Variants in UTS2 observed in about 807,000 individuals in gnomAD.
UTS2 encodes urotensin 2, also known as urotensin-2.
UTS2 carries 10 observed loss-of-function variants against 12.6 expected under a neutral mutation model. That is an observed-to-expected ratio of 0.80 (90% CI 0.49 to 1.35). The LOEUF (loss-of-function observed/expected upper bound fraction) is 1.35, where lower values mean the gene tolerates loss of function less well. Ranked by LOEUF, UTS2 falls within the 40% of genes most tolerant of loss-of-function variation. The probability of loss-of-function intolerance (pLI) is 0.00; values close to 1 mark genes in which losing one functional copy is unlikely to be tolerated. For missense variants in UTS2, 142 were observed against 143.2 expected, an observed-to-expected ratio of 0.99 and a Z score of 0.04; for synonymous variants, 52 against 50.0, an observed-to-expected ratio of 1.04 and a Z score of -0.17.
At chr1:7,911,139 G>A in the UTS2 span, among the ~76,000 whole-genome samples, 3 of 152,102 alleles carry the variant, frequency 2.0e-5, no homozygotes. Context: ...CCGCAAAGGT[G>A]CACAGCGGGT....
chr1:7,859,332 C>A, the UTS2 span, among the ~76,000 whole-genome samples: 1 of 152,034 alleles, frequency 6.6e-6, no homozygotes, highest in African/African-American at 2.4e-5. Flanking sequence ...TTCAGATAAC[C>A]ATTTGGCTTA....
the UTS2 span, among the ~76,000 whole-genome samples, chr1:7,864,723 AAG>A: frequency 1.3e-5 from 2 of 152,228 alleles, no homozygotes; most frequent in Non-Finnish European, 2.9e-5. Context: ...AGGGGTAGGT[AAG>A]TATCAGTACC....
chr1:7,855,511 G>T (rs1274158045), upstream of UTS2, among the ~76,000 whole-genome samples: 1 of 152,102 alleles, frequency 6.6e-6, no homozygotes, highest in Admixed American at 6.5e-5. Flanking sequence ...TTCAACCTGG[G>T]AGTCGGAGGT....
chr1:7,877,690 T>C, the UTS2 span, among the ~76,000 whole-genome samples: 1 of 152,078 alleles, frequency 6.6e-6, no homozygotes, highest in Non-Finnish European at 1.5e-5. Context: ...CTGAGCAACA[T>C]GGTGAAACCC....
chr1:7,878,098 C>CT, the UTS2 span, among the ~76,000 whole-genome samples: 1 of 152,206 alleles, frequency 6.6e-6, no homozygotes, highest in African/African-American at 2.4e-5. Flanking sequence ...CTCAGCAGGC[C>CT]TTACAGGCCA....
chr1:7,853,576 G>T (rs1638221180), upstream of UTS2: 2 of 1,173,550 alleles, frequency 1.7e-6, no homozygotes, highest in Non-Finnish European at 2.4e-6. Context: ...AGCAAACATT[G>T]CTCCAGGCTC....
At chr1:7,862,719 C>T in the UTS2 span, among the ~76,000 whole-genome samples, 1 of 152,058 alleles carries the variant, frequency 6.6e-6, no homozygotes, top group Non-Finnish European at 1.5e-5. Flanking sequence ...CTGAATGCCC[C>T]GCACCCCAGG....
the UTS2 span, among the ~76,000 whole-genome samples, chr1:7,891,523 C>T: frequency 7.1e-4 from 60 of 84,052 alleles, no homozygotes; most frequent in African/African-American, 2.8e-3. Context: ...CAGACTCGAT[C>T]TAAGAAAGAA....
chr1:7,887,240 G>A, the UTS2 span, among the ~76,000 whole-genome samples: 4 of 151,760 alleles, frequency 2.6e-5, no homozygotes, highest in African/African-American at 7.3e-5. Flanking sequence ...CATTAGGGTT[G>A]GAGCGGCTTT....
the UTS2 span, among the ~76,000 whole-genome samples, chr1:7,883,414 G>A: frequency 6.6e-6 from 1 of 152,084 alleles, no homozygotes; most frequent in African/African-American, 2.4e-5. Context: ...GTTGGTTAAT[G>A]GGTACAAACA....
the UTS2 span, among the ~76,000 whole-genome samples, chr1:7,893,709 G>T: frequency 6.6e-6 from 1 of 152,128 alleles, no homozygotes; most frequent in African/African-American, 2.4e-5. Flanking sequence ...CTCCTGGAGG[G>T]CACAGTCGCA....
chr1:7,874,086 G>A, the UTS2 span, among the ~76,000 whole-genome samples: 2 of 152,120 alleles, frequency 1.3e-5, no homozygotes, highest in Non-Finnish European at 2.9e-5. Flanking sequence ...GAAAGGACAA[G>A]GAACTTCGGA....
chr1:7,871,671 T>A, the UTS2 span, among the ~76,000 whole-genome samples: 3 of 152,198 alleles, frequency 2.0e-5, no homozygotes, highest in Admixed American at 2.0e-4. Context: ...TGAGTCTCTG[T>A]GCCACATTTT....
chr1:7,869,404 G>A, the UTS2 span, among the ~76,000 whole-genome samples: 11,992 of 152,268 alleles, frequency 0.079, 672 homozygotes, highest in African/African-American at 0.15. Context: ...ATGGCTCTGC[G>A]CATGCCTCCC....
Position 7,849,681 on chromosome 1 carries a change from A to G in UTS2, c.217T>C (p.Ser73Pro). 3 of 1,609,366 alleles carry G rather than the reference A, an allele frequency of 1.9e-6. No homozygotes were observed. The South Asian group carries it at 3.3e-5, about 18-fold the overall frequency. Residue 73 changes from serine to proline, a missense_variant and splice_region_variant, in exon 3 of 4, where the codon TCA (serine) becomes CCA (proline). Ser to Pro is a moderately conservative substitution (Grantham distance 74). Transcript: ENST00000361696. Reference protein sequence around the residue: ...ERGDILRKADSSTNIFNPRGN... With the variant: ...ERGDILRKADPSTNIFNPRGN... ...CTTGGGTTAAAAATGTTGGTACTTG[A>G]GTCTGAAAAACAGTTTTGAAGCCAG...
chr1:7,860,884 A>G, the UTS2 span, among the ~76,000 whole-genome samples: 1 of 152,000 alleles, frequency 6.6e-6, no homozygotes, highest in Admixed American at 6.5e-5. Flanking sequence ...CTGACTAAAA[A>G]TACAAAAACT....
At chr1:7,900,978 C>T in the UTS2 span, among the ~76,000 whole-genome samples, 1 of 152,118 alleles carries the variant, frequency 6.6e-6, no homozygotes, top group South Asian at 2.1e-4. Context: ...GGAAAGTCAT[C>T]CAGGTCTAAG....
chr1:7,912,340 T>C, the UTS2 span, among the ~76,000 whole-genome samples: 13 of 152,220 alleles, frequency 8.5e-5, no homozygotes, highest in South Asian at 1.7e-3. Flanking sequence ...TATCGACTAA[T>C]GAGGACTCAG....
the UTS2 span, among the ~76,000 whole-genome samples, chr1:7,875,609 T>A: frequency 6.6e-6 from 1 of 151,986 alleles, no homozygotes; most frequent in Admixed American, 6.6e-5. Context: ...GCTCACCCAC[T>A]GACCACAACC....
Sources: allele counts gnomAD v4.1 joint callset (sites outside exome capture counted in the v4.1 genomes callset), GRCh38; gene constraint gnomAD v4.1.1; transcripts MANE v1.5; gene names NCBI Gene and HGNC (gene_info 2026-07-23, HGNC 2026-07-21).